Variants in NUP43 observed in about 807,000 individuals in gnomAD.
The protein encoded by NUP43 is nucleoporin Nup43.
Under a neutral mutation model 47.3 loss-of-function variants are expected in NUP43, and 32 were observed. The ratio of observed to expected loss-of-function variants is 0.68; its 90% CI spans 0.51 to 0.91. The LOEUF is 0.91. NUP43 is among the 40% of genes least tolerant of loss of function. The pLI, the probability that NUP43 is intolerant of heterozygous loss-of-function variation, is 0.00. For missense variants in NUP43, 444 were observed against 453.9 expected (o/e 0.98, Z 0.20); for synonymous variants, 147 against 158.4 (o/e 0.93, Z 0.54).
chr6:149,726,804 G>A lies in NUP43; in HGVS notation c.*165C>T. Reference sequence around the variant, plus strand: ...TCTATCGGATTCTACAACTGTTTGGGAGTGTCAGGCTAACAAAAGTCAAAA... The same window carrying A: ...TCTATCGGATTCTACAACTGTTTGGAAGTGTCAGGCTAACAAAAGTCAAAA... On this transcript the variant is annotated 3_prime_UTR_variant, in exon 8 of 8. Coordinates refer to ENST00000340413, the MANE Select transcript of NUP43 (RefSeq NM_198887.3). 1 of 613,184 alleles carries A rather than the reference G, an allele frequency of 1.6e-6. No individual in the cohort carries two copies. The highest frequency in any genetic ancestry group is 1.8e-5 in the African/African-American group (1 of 54,166). 38.0% of individuals were successfully genotyped at this position (613,184 alleles called of 1,614,324 possible).
At chr6:149,728,800 C>T (rs994888629) in intron 7 of NUP43, among the ~76,000 whole-genome samples, 2 of 152,168 alleles carry the variant, frequency 1.3e-5, no homozygotes, top group Admixed American at 6.6e-5. Context: ...GCTGTTTCCT[C>T]TGCCTGGAAT....
At chr6:149,742,229 T>G (rs553126099) in intron 4 of NUP43, among the ~76,000 whole-genome samples, 161 bp downstream of exon 4, 1 of 152,190 alleles carries the variant, frequency 6.6e-6, no homozygotes, top group Non-Finnish European at 1.5e-5. Context: ...TTTCTCCATG[T>G]TGGTCAGGCT....
chr6:149,736,659 A>C, intron 5 of NUP43, 37 bp from the exon 6 acceptor site: 1 of 1,527,298 alleles, frequency 6.5e-7, no homozygotes, highest in South Asian at 1.2e-5. Context: ...AAAATCAAAT[A>C]AAGTATAATT....
At chr6:149,731,568 A>AC in intron 7 of NUP43, 45 bp downstream of exon 7, 1 of 1,521,030 alleles carries the variant, frequency 6.6e-7, no homozygotes, top group Non-Finnish European at 8.8e-7. Flanking sequence ...GTCTTAAAAA[A>AC]AAAAAAAAAA....
At chr6:149,729,313 T>C (rs1256713958) in intron 7 of NUP43, 1 of 153,716 alleles carries the variant, frequency 6.5e-6, no homozygotes, top group African/African-American at 2.4e-5. Context: ...TTTGCTGTGC[T>C]CCACTATATA....
chr6:149,737,862 T>C (rs1346827640), intron 5 of NUP43, among the ~76,000 whole-genome samples: 1 of 152,104 alleles, frequency 6.6e-6, no homozygotes, highest in Admixed American at 6.6e-5. Context: ...GGCTAGTTTT[T>C]GTATTTTTAG....
At chr6:149,746,174 A>G in intron 1 of NUP43, 112 bp from the exon 2 acceptor site, 2 of 1,358,736 alleles carry the variant, frequency 1.5e-6, no homozygotes, top group Admixed American at 2.0e-5. Context: ...TGGTATGGTG[A>G]GTTTAAAACA....
At chr6:149,747,195 T>C (rs1786056067), upstream of NUP43, among the ~76,000 whole-genome samples, 1 of 152,194 alleles carries the variant, frequency 6.6e-6, no homozygotes, top group Non-Finnish European at 1.5e-5. Context: ...TCCTCTTTAC[T>C]CCTCAGAATC....
chr6:149,744,831 G>A (rs1248837746), intron 2 of NUP43, among the ~76,000 whole-genome samples: 2 of 149,036 alleles, frequency 1.3e-5, no homozygotes, highest in Non-Finnish European at 1.5e-5. Context: ...ATAAGACTTC[G>A]TCTCCAAAAA....
upstream of NUP43, chr6:149,746,551 G>C: frequency 6.2e-7 from 1 of 1,613,530 alleles, no homozygotes; most frequent in East Asian, 2.2e-5. Context: ...GCGCCTCTCA[G>C]CACCGCCTCT....
intron 2 of NUP43, 124 bp downstream of exon 2, chr6:149,745,816 C>T (rs924614795): frequency 1.8e-5 from 14 of 762,430 alleles, no homozygotes; most frequent in South Asian, 1.4e-4. Flanking sequence ...CAAATCATAA[C>T]TTACAGAGCA....
chr6:149,732,361 C>T (rs530069876), intron 6 of NUP43, among the ~76,000 whole-genome samples: 13 of 147,038 alleles, frequency 8.8e-5, no homozygotes, highest in African/African-American at 2.8e-4. Flanking sequence ...GCCTGGCCAA[C>T]GTGGTGAAAC....
At chr6:149,728,463 C>G (rs1437390521) in intron 7 of NUP43, 2 of 984,914 alleles carry the variant, frequency 2.0e-6, no homozygotes, top group Admixed American at 6.1e-5. Context: ...CACATGCTCT[C>G]CGCTCCAGAA....
Position 149,742,532 on chromosome 6 carries a change from G to A in NUP43, c.360C>T (p.Tyr120=), listed in dbSNP as rs750399526. The change falls in exon 4 of 8, where the codon TAC becomes TAT. Residue 120 remains tyrosine (Y), a synonymous_variant. Transcript: ENST00000340413. ...SVNQQWTTAH[Y]HTGPGSPSYS... is the part of the protein sequence containing the mutation. ...AGGAAGGACTGCCAGGGCCTGTGTGGTAGTGAGCTGTAGTCCACTGCTGGT... is the reference window on the plus strand; with the variant it reads ...AGGAAGGACTGCCAGGGCCTGTGTGATAGTGAGCTGTAGTCCACTGCTGGT... 4.3e-6 allele frequency: 7 copies of A among 1,614,030 alleles called. No individual in the cohort carries two copies. Among genetic ancestry groups the A allele is most frequent in the Admixed American group, 1.7e-5 (1 of 60,000 alleles).
upstream of NUP43, chr6:149,746,623 T>A (rs1024372953): frequency 6.2e-7 from 1 of 1,602,166 alleles, no homozygotes; most frequent in Admixed American, 1.7e-5. Flanking sequence ...GAGAGTCAAT[T>A]CTCGTCGATA....
rs150926265 is a variant in NUP43, at chr6:149,739,475, C to T, written c.503-697G>A. 9.1e-3 allele frequency among the ~76,000 whole-genome samples: 1,385 copies of T among 151,898 alleles called. 21 individuals carry two copies. Among genetic ancestry groups the T allele is most frequent in the African/African-American group, 0.032 (1,310 of 41,412 alleles). On this transcript the variant is annotated intron_variant, in intron 4 of 7. Coordinates refer to ENST00000340413, the MANE Select transcript of NUP43 (RefSeq NM_198887.3). ...CTAATTTTTGTATTTTTAGTAGAGA[C>T]GGAGTTTCACCATGTTGGCCAGGCT...
intron 3 of NUP43, among the ~76,000 whole-genome samples, chr6:149,743,112 G>C (rs1785752844): frequency 6.6e-6 from 1 of 151,664 alleles, no homozygotes; most frequent in Non-Finnish European, 1.5e-5. Flanking sequence ...AGAGATGCAG[G>C]TTGCAGTGAG....
At chr6:149,737,215 C>A (rs1785412098) in intron 5 of NUP43, among the ~76,000 whole-genome samples, 1 of 151,300 alleles carries the variant, frequency 6.6e-6, no homozygotes. Flanking sequence ...ACCCAGTAGG[C>A]AGAAGTTGCA....
chr6:149,735,795 C>CAA lies in NUP43; in HGVS notation c.790+674_790+675dup, dbSNP rs1344184899. ...GCAATAAAGTGAAACCCCATATCTA[C>CAA]AAAAAAAAAAACAAACAACAACAAA... On this transcript the variant is annotated intron_variant, in intron 6 of 7. Coordinates refer to ENST00000340413, the MANE Select transcript of NUP43 (RefSeq NM_198887.3). 2.5e-4 allele frequency among the ~76,000 whole-genome samples: 34 copies of CAA among 133,578 alleles called. 1 individual carries two copies. The highest frequency in any genetic ancestry group is 6.9e-4 in the African/African-American group (25 of 36,350). The allele number at this position is 133,578 out of a possible 152,430, so 87.6% of individuals were successfully genotyped here.
Sources: gnomAD v4.1 joint callset for allele counts (sites outside exome capture counted in the v4.1 genomes callset) on GRCh38, gnomAD v4.1.1 for gene constraint, MANE v1.5 for transcripts, NCBI Gene and HGNC (gene_info 2026-07-23, HGNC 2026-07-21) for gene names.